Variants in MLLT3 observed in about 807,000 individuals in gnomAD.
MLLT3 encodes the protein protein AF-9.
MLLT3 carries 4 observed loss-of-function variants against 53.2 expected under a neutral mutation model. The ratio of observed to expected loss-of-function variants is 0.08; its 90% CI spans 0.04 to 0.17. MLLT3 has a LOEUF of 0.17. Among genes scored for constraint, MLLT3 ranks in the 10% least tolerant of loss-of-function variants. The probability of loss-of-function intolerance (pLI) is 1.00; values close to 1 mark genes in which losing one functional copy is unlikely to be tolerated. For synonymous variants in MLLT3, 283 were observed against 230.6 expected (o/e 1.23, Z -2.06); for missense variants, 569 against 684.0 (o/e 0.83, Z 1.87).
intron 2 of MLLT3, among the ~76,000 whole-genome samples, chr9:20,461,224 T>C (rs908360378): frequency 6.6e-6 from 1 of 152,220 alleles, no homozygotes; most frequent in Non-Finnish European, 1.5e-5. Flanking sequence ...TAATTGCATT[T>C]TTCCCTGAAA....
chr9:20,462,017 G>A (rs1474063928), intron 2 of MLLT3, among the ~76,000 whole-genome samples: 1 of 152,072 alleles, frequency 6.6e-6, no homozygotes, highest in Non-Finnish European at 1.5e-5. Flanking sequence ...CCAGGAATGG[G>A]GCAAACAAGA....
At chr9:20,409,250 C>A (rs1030304182) in intron 5 of MLLT3, among the ~76,000 whole-genome samples, 1 of 152,122 alleles carries the variant, frequency 6.6e-6, no homozygotes, top group Non-Finnish European at 1.5e-5. Context: ...TCTGATCATA[C>A]GTGGTTATCT....
intron 4 of MLLT3, among the ~76,000 whole-genome samples, chr9:20,445,779 T>A (rs918620311): frequency 6.6e-6 from 1 of 152,130 alleles, no homozygotes; most frequent in Non-Finnish European, 1.5e-5. Flanking sequence ...GTAGAATATA[T>A]ACATCTATGT....
intron 2 of MLLT3, among the ~76,000 whole-genome samples, chr9:20,482,346 C>T (rs6475433): frequency 0.74 from 113,044 of 152,122 alleles, 42,347 homozygotes; most frequent in Middle Eastern, 0.86. Flanking sequence ...TTCTGTTCTG[C>T]TTCCCTGTTC....
At chr9:20,552,801 T>G (rs1481107899) in intron 2 of MLLT3, among the ~76,000 whole-genome samples, 2 of 152,152 alleles carry the variant, frequency 1.3e-5, no homozygotes, top group African/African-American at 4.8e-5. Flanking sequence ...AAGACTAGTA[T>G]TACCATATAA....
chr9:20,560,178 T>C (rs1563817610), intron 2 of MLLT3, among the ~76,000 whole-genome samples: 1 of 151,956 alleles, frequency 6.6e-6, no homozygotes, highest in Non-Finnish European at 1.5e-5. Context: ...GCCTGGGAAA[T>C]AGCAAAATAA....
intron 2 of MLLT3, among the ~76,000 whole-genome samples, chr9:20,565,970 A>ATATATATATATT: frequency 3.5e-5 from 1 of 28,626 alleles, no homozygotes; most frequent in South Asian, 1.3e-3. Flanking sequence ...ATATATATTT[A>ATATATATATATT]TATATATATA....
chr9:20,562,006 G>A (rs1436529768), intron 2 of MLLT3, among the ~76,000 whole-genome samples: 1 of 152,010 alleles, frequency 6.6e-6, no homozygotes, highest in African/African-American at 2.4e-5. Context: ...GAGATGGAGA[G>A]AATCCTAAGC....
chr9:20,358,955 G>A (rs1821245701), intron 8 of MLLT3, among the ~76,000 whole-genome samples: 2 of 151,756 alleles, frequency 1.3e-5, no homozygotes, highest in African/African-American at 4.8e-5. Context: ...GACCATCCTG[G>A]CCAACATGGT....
intron 2 of MLLT3, among the ~76,000 whole-genome samples, chr9:20,612,582 AAAGG>A (rs1820728239): frequency 6.6e-6 from 1 of 152,166 alleles, no homozygotes; most frequent in Non-Finnish European, 1.5e-5. Flanking sequence ...CAAAAATAAC[AAAGG>A]AAGAACATCC....
At chr9:20,403,499 C>G (rs1404429096) in intron 5 of MLLT3, among the ~76,000 whole-genome samples, 1 of 152,104 alleles carries the variant, frequency 6.6e-6, no homozygotes, top group African/African-American at 2.4e-5. Flanking sequence ...ATACAAAACA[C>G]AGAGGACTAT....
intron 2 of MLLT3, among the ~76,000 whole-genome samples, chr9:20,519,393 T>C (rs190651392): frequency 6.6e-6 from 1 of 152,146 alleles, no homozygotes; most frequent in African/African-American, 2.4e-5. Context: ...AGACAAAAAG[T>C]TTTTTATTTA....
At chr9:20,512,348 T>C (rs371063122) in intron 2 of MLLT3, among the ~76,000 whole-genome samples, 49 of 152,306 alleles carry the variant, frequency 3.2e-4, no homozygotes, top group African/African-American at 1.0e-3. Flanking sequence ...CCCACTTTGA[T>C]AGGTTGGTAT....
At chr9:20,463,970 C>G (rs1037875187) in intron 2 of MLLT3, among the ~76,000 whole-genome samples, 13 of 151,780 alleles carry the variant, frequency 8.6e-5, no homozygotes, top group Admixed American at 5.9e-4. Context: ...AGTTGGTCAT[C>G]TGAAACCCCA....
At chr9:20,517,018 G>A (rs563713373) in intron 2 of MLLT3, among the ~76,000 whole-genome samples, 6 of 152,092 alleles carry the variant, frequency 3.9e-5, no homozygotes, top group East Asian at 1.9e-4. Flanking sequence ...ATATACTTAC[G>A]CAGTTTTTGT....
In MLLT3 at chr9:20,622,268, C is replaced by G; in HGVS notation, c.-12G>C. 1.3e-6 allele frequency: 2 copies of G among 1,592,762 alleles called. No individual in the cohort carries two copies. Among genetic ancestry groups the G allele is most frequent in the South Asian group, 2.3e-5 (2 of 88,428 alleles). ...ACCGAGCTAGCCATGCCTGGGGGCC[C>G]GGAGGTTTGCTGGGGTGTTGTGTGG... On this transcript the variant is annotated 5_prime_UTR_variant, in exon 1 of 11. Transcript: ENST00000380338.
chr9:20,476,845 A>G lies in MLLT3; in HGVS notation c.194-20059T>C, dbSNP rs59075385. Among the ~76,000 whole-genome samples the G allele has an allele frequency of 5.1e-3, 782 of 152,310 alleles. 45 individuals carry two copies. The East Asian group carries it at 0.14, about 26-fold the overall frequency. ...ATGATTACAATCTAGAAAATTATCA[A>G]CTAGCTAAAATGTCCTGATTTAAAT... On this transcript the variant is annotated intron_variant, in intron 2 of 10. Coordinates refer to ENST00000380338, the MANE Select transcript of MLLT3 (RefSeq NM_004529.4).
intron 2 of MLLT3, among the ~76,000 whole-genome samples, chr9:20,591,369 G>A (rs1373860480): frequency 6.6e-6 from 1 of 152,092 alleles, no homozygotes; most frequent in African/African-American, 2.4e-5. Flanking sequence ...ATAGTGTGGA[G>A]GAAGCATTTT....
Position 20,534,175 on chromosome 9 carries a change from T to C in MLLT3, c.194-77389A>G, listed in dbSNP as rs572489908. 9.8e-5 allele frequency among the ~76,000 whole-genome samples: 15 copies of C among 152,312 alleles called. No individual in the cohort carries two copies. In the South Asian group the frequency reaches 2.9e-3, roughly 29 times the overall value. ...AAATAGGGATATTTCGAAAGAGAAATGTTTAGCAAATTTATTTCTAAAAAT... is the reference window on the plus strand; with the variant it reads ...AAATAGGGATATTTCGAAAGAGAAACGTTTAGCAAATTTATTTCTAAAAAT... On this transcript the variant is annotated intron_variant, in intron 2 of 10. Coordinates refer to ENST00000380338, the MANE Select transcript of MLLT3 (RefSeq NM_004529.4).
Sources: allele counts gnomAD v4.1 joint callset (sites outside exome capture counted in the v4.1 genomes callset), GRCh38; gene constraint gnomAD v4.1.1; transcripts MANE v1.5; gene names NCBI Gene and HGNC (gene_info 2026-07-23, HGNC 2026-07-21).